Variants in HS3ST5 observed in about 807,000 individuals in gnomAD.
HS3ST5 encodes heparan sulfate glucosamine 3-O-sulfotransferase 5.
Under a neutral mutation model 25.4 loss-of-function variants are expected in HS3ST5, and 10 were observed. That is an observed-to-expected ratio of 0.39 (90% confidence interval 0.24 to 0.67). The LOEUF (loss-of-function observed/expected upper bound fraction) is 0.67, where lower values mean the gene tolerates loss of function less well. Among genes scored for constraint, HS3ST5 ranks in the 30% least tolerant of loss-of-function variants. The probability of loss-of-function intolerance (pLI) is 0.44; values close to 1 mark genes in which losing one functional copy is unlikely to be tolerated. For missense variants in HS3ST5, 324 were observed against 420.7 expected, an observed-to-expected ratio of 0.77 and a Z score of 2.01; for synonymous variants, 170 against 162.4, an observed-to-expected ratio of 1.05 and a Z score of -0.36.
chr6:114,061,485 T>C (rs1295858452), intron 4 of HS3ST5, among the ~76,000 whole-genome samples: 2 of 152,220 alleles, frequency 1.3e-5, no homozygotes. Context: ...ACCACTGCTA[T>C]GTTATTTCTA....
chr6:114,197,128 C>CT (rs201077147), intron 2 of HS3ST5, among the ~76,000 whole-genome samples: 15,159 of 142,386 alleles, frequency 0.11, 835 homozygotes, highest in African/African-American at 0.14. Context: ...TTCTTTCTTT[C>CT]TTTTTTTTTT....
At chr6:114,187,855 AC>A (rs1780299357) in intron 2 of HS3ST5, among the ~76,000 whole-genome samples, 1 of 152,186 alleles carries the variant, frequency 6.6e-6, no homozygotes, top group Admixed American at 6.6e-5. Flanking sequence ...ACCTTCAGCG[AC>A]CACAGACCTG....
chr6:114,136,578 A>C (rs966124670), intron 3 of HS3ST5, among the ~76,000 whole-genome samples: 1 of 152,240 alleles, frequency 6.6e-6, no homozygotes, highest in Non-Finnish European at 1.5e-5. Context: ...GTTGTATTGA[A>C]GTGAATTGGG....
At chr6:114,097,288 A>G (rs1418636650) in intron 3 of HS3ST5, among the ~76,000 whole-genome samples, 1 of 152,018 alleles carries the variant, frequency 6.6e-6, no homozygotes, top group Non-Finnish European at 1.5e-5. Context: ...GGAATTCATT[A>G]AAAGGCTTGG....
intron 2 of HS3ST5, among the ~76,000 whole-genome samples, chr6:114,192,233 T>A (rs1055706556): frequency 6.6e-6 from 1 of 152,206 alleles, no homozygotes; most frequent in Admixed American, 6.5e-5. Context: ...GCATTTTTGT[T>A]GAGATTTAAT....
chr6:114,211,906 T>C (rs1004963859), intron 2 of HS3ST5, among the ~76,000 whole-genome samples: 2 of 152,216 alleles, frequency 1.3e-5, no homozygotes, highest in Admixed American at 6.5e-5. Flanking sequence ...TCAAGTAACA[T>C]AACATGTGCA....
chr6:114,203,121 G>A (rs1205350743), intron 2 of HS3ST5, among the ~76,000 whole-genome samples: 1 of 152,156 alleles, frequency 6.6e-6, no homozygotes, highest in Non-Finnish European at 1.5e-5. Context: ...TACATTTCAC[G>A]TTAACTTAAA....
chr6:114,160,990 T>C (rs907694261), intron 3 of HS3ST5, among the ~76,000 whole-genome samples: 1 of 152,150 alleles, frequency 6.6e-6, no homozygotes, highest in African/African-American at 2.4e-5. Context: ...TCCAGATAAT[T>C]GGAAAGGACA....
chr6:114,286,689 AT>A (rs988717346), intron 1 of HS3ST5, among the ~76,000 whole-genome samples: 7 of 151,950 alleles, frequency 4.6e-5, no homozygotes, highest in African/African-American at 1.2e-4. Flanking sequence ...GACTTATTAA[AT>A]TTTTTTCCCT....
chr6:114,121,427 C>G (rs1279522840), intron 3 of HS3ST5, among the ~76,000 whole-genome samples: 4 of 152,058 alleles, frequency 2.6e-5, no homozygotes, highest in African/African-American at 9.7e-5. Context: ...CCTGTTAATT[C>G]TTTTACATAT....
intron 1 of HS3ST5, among the ~76,000 whole-genome samples, chr6:114,264,712 A>G (rs925687064): frequency 6.6e-6 from 1 of 152,170 alleles, no homozygotes. Context: ...TAGTGTTGTA[A>G]ACCTAAGAGT....
At chr6:114,070,943 C>T (rs575079491) in intron 3 of HS3ST5, among the ~76,000 whole-genome samples, 1 of 152,202 alleles carries the variant, frequency 6.6e-6, no homozygotes. Flanking sequence ...TCAATTTATT[C>T]TCCCTACTGA....
intron 1 of HS3ST5, among the ~76,000 whole-genome samples, chr6:114,241,132 GT>G (rs34220294): frequency 0.092 from 10,800 of 117,774 alleles, 571 homozygotes; most frequent in African/African-American, 0.17. Context: ...AGAAAAATCA[GT>G]TTTTTTTTTT....
chr6:114,233,773 T>C (rs1050527102), intron 1 of HS3ST5, among the ~76,000 whole-genome samples: 2 of 152,200 alleles, frequency 1.3e-5, no homozygotes, highest in Admixed American at 1.3e-4. Context: ...AATTAATTCC[T>C]AGTTAGTGGA....
At chr6:114,169,661 G>T (rs1433938491) in intron 2 of HS3ST5, among the ~76,000 whole-genome samples, 1 of 152,092 alleles carries the variant, frequency 6.6e-6, no homozygotes, top group African/African-American at 2.4e-5. Context: ...CAACTACTCT[G>T]TTTCTCAATT....
chr6:114,230,835 G>C (rs981842143), intron 1 of HS3ST5, among the ~76,000 whole-genome samples: 2 of 151,852 alleles, frequency 1.3e-5, no homozygotes, highest in Non-Finnish European at 2.9e-5. Flanking sequence ...TGATCCGCCC[G>C]CCTCAGCCTC....
intron 3 of HS3ST5, among the ~76,000 whole-genome samples, chr6:114,139,732 T>C (rs1777813764): frequency 6.6e-6 from 1 of 152,192 alleles, no homozygotes; most frequent in South Asian, 2.1e-4. Context: ...CATCTTCAAC[T>C]TGTGGAGCAG....
chr6:114,295,021 A>G (rs539306843), intron 1 of HS3ST5, among the ~76,000 whole-genome samples: 1 of 152,300 alleles, frequency 6.6e-6, no homozygotes, highest in East Asian at 1.9e-4. Context: ...AATGGTGAAC[A>G]CATAATTAAC....
At chr6:114,184,605 C>T (rs1334368447) in intron 2 of HS3ST5, among the ~76,000 whole-genome samples, 2 of 152,306 alleles carry the variant, frequency 1.3e-5, no homozygotes, top group Admixed American at 1.3e-4. Flanking sequence ...AGGCCAAAAG[C>T]GATTTAGAAA....
Sources: gnomAD v4.1 joint callset for allele counts (sites outside exome capture counted in the v4.1 genomes callset) on GRCh38, gnomAD v4.1.1 for gene constraint, MANE v1.5 for transcripts, NCBI Gene and HGNC (gene_info 2026-07-23, HGNC 2026-07-21) for gene names.